Variants in DTNB observed in about 807,000 individuals in gnomAD.
DTNB encodes DTN-B.
A neutral mutation model predicts 90.7 loss-of-function variants in DTNB; 63 were observed. The observed-to-expected ratio is 0.69, with a 90% confidence interval of 0.57 to 0.86. DTNB has a LOEUF of 0.86. DTNB is among the 40% of genes least tolerant of loss of function. The probability of loss-of-function intolerance (pLI) is 0.00; values close to 1 mark genes in which losing one functional copy is unlikely to be tolerated. For missense variants in DTNB, 744 were observed against 807.1 expected, an observed-to-expected ratio of 0.92 and a Z score of 0.95; for synonymous variants, 277 against 286.7, an observed-to-expected ratio of 0.97 and a Z score of 0.34.
At position 25,590,215 on chromosome 2, in the gene DTNB, TTTC is replaced by T. The variant is rs368444346; in HGVS notation, c.603+5868_603+5870del. ...GAGGGGTACAGCTCTTTTCTCCTTCTTTCTTCTTCTTGTTGCCCACAACATGGC... is the reference window on the plus strand; with the variant it reads ...GAGGGGTACAGCTCTTTTCTCCTTCTTTCTTCTTGTTGCCCACAACATGGC... On this transcript the variant is annotated intron_variant, in intron 6 of 20. Transcript: ENST00000406818. 2.0e-4 allele frequency among the ~76,000 whole-genome samples: 30 copies of T among 152,332 alleles called. No individual in the cohort carries two copies. In the East Asian group the frequency reaches 2.7e-3, roughly 14 times the overall value.
At chr2:25,647,602 C>T (rs1246761029) in intron 2 of DTNB, among the ~76,000 whole-genome samples, 2 of 152,058 alleles carry the variant, frequency 1.3e-5, no homozygotes, top group Non-Finnish European at 2.9e-5. Flanking sequence ...CAGCCAGGTG[C>T]GGTGGCCCAC....
chr2:25,520,905 T>C (rs894427135), intron 9 of DTNB, among the ~76,000 whole-genome samples: 2 of 152,216 alleles, frequency 1.3e-5, no homozygotes, highest in African/African-American at 4.8e-5. Context: ...TAAATAACAG[T>C]ATAACAGTAT....
chr2:25,395,466 A>T (rs1438807134), intron 16 of DTNB, among the ~76,000 whole-genome samples: 1 of 151,212 alleles, frequency 6.6e-6, no homozygotes, highest in Admixed American at 6.6e-5. Flanking sequence ...TTGTAAATAC[A>T]TAAATACACA....
chr2:25,549,808 G>C lies in DTNB; in HGVS notation c.877-18211C>G, dbSNP rs549088190. Among the ~76,000 whole-genome samples, 11 of 152,062 alleles carry C rather than the reference G, an allele frequency of 7.2e-5. No individual in the cohort carries two copies. In the East Asian group the frequency reaches 2.1e-3, roughly 30 times the overall value. ...GCCAAGTAGCTGGGACTACAGGCAT[G>C]CACAACCACACCCGGCTAATTTTTG... On this transcript the variant is annotated intron_variant, in intron 8 of 20. Transcript: ENST00000406818.
intron 14 of DTNB, among the ~76,000 whole-genome samples, chr2:25,431,844 C>G (rs1465394991): frequency 3.9e-5 from 6 of 152,194 alleles, no homozygotes; most frequent in Admixed American, 3.9e-4. Flanking sequence ...CACAGACTTG[C>G]AGCAGTAAAC....
At chr2:25,492,456 A>G (rs498615) in intron 9 of DTNB, among the ~76,000 whole-genome samples, 150,089 of 152,316 alleles carry the variant, frequency 0.99, 73,987 homozygotes, top group East Asian at 1. Flanking sequence ...TTTCTGAATT[A>G]ACTTAGATCC....
chr2:25,386,083 C>T lies in DTNB; in HGVS notation c.1825+1206G>A, dbSNP rs529735921. 6.1e-6 allele frequency: 6 copies of T among 985,430 alleles called. No individual in the cohort carries two copies. In the East Asian group the frequency reaches 4.5e-4, roughly 75 times the overall value. The allele number at this position is 985,430 out of a possible 1,614,324, so 61.0% of individuals were successfully genotyped here. A position where few individuals can be genotyped will look rare whatever the true frequency, so the allele number is the denominator to read the frequency against. On this transcript the variant is annotated intron_variant, in intron 18 of 20. Transcript: ENST00000406818. ...TCTGTTTATGTGTACAGAGCGGGGC[C>T]GTGCTTCTGATGGGGGTTGAGAAAC...
intron 1 of DTNB, among the ~76,000 whole-genome samples, chr2:25,653,485 T>G (rs1471315976): frequency 9.8e-6 from 1 of 102,468 alleles, no homozygotes; most frequent in Non-Finnish European, 1.9e-5. Flanking sequence ...CTTGCTTTCT[T>G]TCTTTCTTTC....
At chr2:25,612,552 A>G (rs184053166) in intron 4 of DTNB, among the ~76,000 whole-genome samples, 30 of 152,220 alleles carry the variant, frequency 2.0e-4, no homozygotes, top group African/African-American at 7.0e-4. Context: ...TCAAAACAAG[A>G]AAAAGGTGAA....
At chr2:25,586,238 C>T (rs1033249816) in intron 6 of DTNB, among the ~76,000 whole-genome samples, 5 of 152,010 alleles carry the variant, frequency 3.3e-5, no homozygotes, top group African/African-American at 1.2e-4. Flanking sequence ...CGGCCAGGTG[C>T]GGTGGCTCAC....
intron 8 of DTNB, among the ~76,000 whole-genome samples, chr2:25,540,894 AC>A (rs2081085412): frequency 6.6e-6 from 1 of 152,136 alleles, no homozygotes; most frequent in Non-Finnish European, 1.5e-5. Context: ...ACCCAGGGAC[AC>A]AAACACTGCG....
At chr2:25,440,995 C>A (rs779374338) in intron 12 of DTNB, among the ~76,000 whole-genome samples, 1 of 152,170 alleles carries the variant, frequency 6.6e-6, no homozygotes, top group Non-Finnish European at 1.5e-5. Flanking sequence ...CCCAGAAGAC[C>A]TCAAGGCAAA....
At chr2:25,381,407 C>G (rs1353875632) in intron 19 of DTNB, among the ~76,000 whole-genome samples, 1 of 152,086 alleles carries the variant, frequency 6.6e-6, no homozygotes, top group African/African-American at 2.4e-5. Flanking sequence ...TTAGATAGGG[C>G]TTTGCTCTGT....
intron 3 of DTNB, among the ~76,000 whole-genome samples, chr2:25,631,048 G>C (rs891916345): frequency 6.6e-6 from 1 of 152,120 alleles, no homozygotes; most frequent in Non-Finnish European, 1.5e-5. Context: ...AGAGCTGGGA[G>C]ATGAAGGGAA....
At chr2:25,476,505 G>A (rs897370858) in intron 10 of DTNB, among the ~76,000 whole-genome samples, 1 of 152,180 alleles carries the variant, frequency 6.6e-6, no homozygotes, top group Admixed American at 6.5e-5. Context: ...CATTCTAGAT[G>A]CTATTAAAAA....
At chr2:25,404,111 C>G (rs1306770262) in intron 16 of DTNB, among the ~76,000 whole-genome samples, 2 of 152,144 alleles carry the variant, frequency 1.3e-5, no homozygotes, top group African/African-American at 4.8e-5. Flanking sequence ...AGAGTGACAC[C>G]TGTTGTTCTT....
At chr2:25,493,199 G>A (rs1385736164) in intron 9 of DTNB, among the ~76,000 whole-genome samples, 1 of 152,110 alleles carries the variant, frequency 6.6e-6, no homozygotes, top group East Asian at 1.9e-4. Context: ...AATTTATTAT[G>A]CCCTAATGCT....
At chr2:25,512,498 A>G (rs534378069) in intron 9 of DTNB, among the ~76,000 whole-genome samples, 15 of 152,346 alleles carry the variant, frequency 9.8e-5, no homozygotes, top group Non-Finnish European at 1.9e-4. Flanking sequence ...AGGTGCAAAG[A>G]AAGTGCTTAC....
chr2:25,662,667 C>A (rs1559430196), intron 1 of DTNB, among the ~76,000 whole-genome samples: 3 of 77,614 alleles, frequency 3.9e-5, no homozygotes, highest in Admixed American at 1.7e-4. Context: ...CACACACACA[C>A]ACACACACAC....
Sources: gnomAD v4.1 joint callset for allele counts (sites outside exome capture counted in the v4.1 genomes callset) on GRCh38, gnomAD v4.1.1 for gene constraint, MANE v1.5 for transcripts, NCBI Gene and HGNC (gene_info 2026-07-23, HGNC 2026-07-21) for gene names.